The following KSR2 variants were observed in gnomAD, a reference collection of about 807,000 sequenced individuals.
The protein encoded by KSR2 is kinase suppressor of ras 2.
A neutral mutation model predicts 107.8 loss-of-function variants in KSR2; 25 were observed. That is an observed-to-expected ratio of 0.23 (90% CI 0.17 to 0.32). KSR2 has a LOEUF of 0.32. KSR2 is among the 10% of genes least tolerant of loss of function. The probability of loss-of-function intolerance (pLI) is 1.00; values close to 1 mark genes in which losing one functional copy is unlikely to be tolerated. For missense variants in KSR2, 887 were observed against 1,268.9 expected, an observed-to-expected ratio of 0.70 and a Z score of 4.57; for synonymous variants, 480 against 507.0, an observed-to-expected ratio of 0.95 and a Z score of 0.71.
chr12:117,799,849 T>C (rs1184851703), intron 3 of KSR2, among the ~76,000 whole-genome samples: 1 of 152,182 alleles, frequency 6.6e-6, no homozygotes, highest in Non-Finnish European at 1.5e-5. Context: ...CTGGGGCACC[T>C]AAAAGGCACC....
chr12:117,908,963 T>C (rs967541914), intron 1 of KSR2, among the ~76,000 whole-genome samples: 1 of 152,100 alleles, frequency 6.6e-6, no homozygotes, highest in African/African-American at 2.4e-5. Context: ...TCCAATCCAA[T>C]TTTGCAGGTG....
At chr12:117,793,488 A>AACATGC (rs1478980727) in intron 3 of KSR2, among the ~76,000 whole-genome samples, 1 of 142,786 alleles carries the variant, frequency 7.0e-6, no homozygotes, top group Admixed American at 7.0e-5. Flanking sequence ...CACTCACATC[A>AACATGC]ACATGCACAC....
rs2137101162 is a variant in KSR2 at position 117,464,285 on chromosome 12, C to T, written c.*2914G>A. The T allele has an allele frequency of 6.6e-6, 1 of 152,306 alleles. No homozygotes were observed. Among genetic ancestry groups the T allele is most frequent in the South Asian group, 2.1e-4 (1 of 4,824 alleles). The allele number at this position is 152,306 out of a possible 1,614,324, so 9.4% of individuals were successfully genotyped here. On this transcript the variant is annotated 3_prime_UTR_variant, in exon 20 of 20. Transcript: ENST00000339824. ...CCTGTGGACTGGTCCCCTCGGGAAG[C>T]CCATGTATATGACGGTTTGCTAAAA...
intron 3 of KSR2, among the ~76,000 whole-genome samples, chr12:117,782,005 A>G (rs1233270494): frequency 5.3e-5 from 8 of 152,238 alleles, no homozygotes; most frequent in African/African-American, 1.9e-4. Flanking sequence ...CATGCTTAAC[A>G]TCGTTCCACC....
chr12:117,719,112 C>T (rs1887109700), intron 4 of KSR2, among the ~76,000 whole-genome samples: 1 of 152,128 alleles, frequency 6.6e-6, no homozygotes, highest in African/African-American at 2.4e-5. Context: ...CTCATACAAA[C>T]CTTAAACGTA....
At chr12:117,639,084 C>T (rs772136373) in intron 5 of KSR2, among the ~76,000 whole-genome samples, 7 of 152,064 alleles carry the variant, frequency 4.6e-5, no homozygotes, top group Non-Finnish European at 8.8e-5. Flanking sequence ...AGCTGGTTCA[C>T]GTACATTGCC....
At position 117,658,459 on chromosome 12, in the gene KSR2, C is replaced by A. The variant is rs1295602323; in HGVS notation, c.1171+9015G>T. 2.6e-5 allele frequency among the ~76,000 whole-genome samples: 4 copies of A among 152,174 alleles called. No homozygotes were observed. The East Asian group carries it at 5.8e-4, about 22-fold the overall frequency. ...TGGCCCTCCGCCTGCTATTGTAAGT[C>A]AAGTTCTACTGAAACACAGCCACAT... On this transcript the variant is annotated intron_variant, in intron 5 of 19. Transcript: ENST00000339824.
At chr12:117,951,190 G>A (rs112897843) in intron 1 of KSR2, among the ~76,000 whole-genome samples, 2,854 of 152,202 alleles carry the variant, frequency 0.019, 80 homozygotes, top group African/African-American at 0.065. Flanking sequence ...TTACAGGTGT[G>A]AGCCACCGCG....
rs560335566 is a variant in KSR2 at position 117,523,408 on chromosome 12, TC to T, written c.2219+1443del. ...CTAAGAATGCCATTGCAGAGGCCAGTCCTTATGTTACAGGGGAGTCAGCGCC... is the reference window on the plus strand; with the variant it reads ...CTAAGAATGCCATTGCAGAGGCCAGTCTTATGTTACAGGGGAGTCAGCGCC... On this transcript the variant is annotated intron_variant, in intron 14 of 19. Transcript: ENST00000339824. Among the ~76,000 whole-genome samples the T allele has an allele frequency of 2.0e-5, 3 of 152,234 alleles. No homozygotes were observed. In the South Asian group the frequency reaches 6.2e-4, roughly 32 times the overall value.
chr12:117,517,428 T>C (rs181080835), intron 14 of KSR2, among the ~76,000 whole-genome samples: 13 of 152,370 alleles, frequency 8.5e-5, no homozygotes, highest in African/African-American at 2.4e-4. Context: ...GTCATTCACT[T>C]GTGTAATAAG....
At chr12:117,932,341 G>A (rs189623437) in intron 1 of KSR2, among the ~76,000 whole-genome samples, 25 of 152,182 alleles carry the variant, frequency 1.6e-4, no homozygotes, top group African/African-American at 3.4e-4. Context: ...TAATCATGGT[G>A]TTATACAGTT....
chr12:117,824,428 T>C (rs890453513), intron 3 of KSR2, among the ~76,000 whole-genome samples: 2 of 152,168 alleles, frequency 1.3e-5, no homozygotes, highest in African/African-American at 4.8e-5. Flanking sequence ...GTTTCTAGCA[T>C]AAAGAAAAGA....
intron 3 of KSR2, among the ~76,000 whole-genome samples, chr12:117,763,527 G>A (rs1889122019): frequency 1.3e-5 from 2 of 152,150 alleles, no homozygotes; most frequent in Non-Finnish European, 2.9e-5. Flanking sequence ...AACCATCTAA[G>A]TTAGGGCAGT....
At position 117,842,048 on chromosome 12, in the gene KSR2, TC is replaced by T. The variant is rs2137165446; in HGVS notation, c.472+13379del. On this transcript the variant is annotated intron_variant, in intron 3 of 19. Transcript: ENST00000339824. This position sits in a 1 kb window ranked among gnomAD's most constrained non-coding sequence, Gnocchi z 4.2. ...CAACACAGGGGTTCTCAAAGCGTGT[TC>T]CCCAAACCAGCAGCACCAGCGTCGC... Among the ~76,000 whole-genome samples the T allele has an allele frequency of 6.6e-6, 1 of 152,336 alleles. No individual in the cohort carries two copies. Among genetic ancestry groups the T allele is most frequent in the East Asian group, 1.9e-4 (1 of 5,188 alleles).
rs1208726307 is a variant in KSR2, at chr12:117,962,061, C to T, written c.180+6015G>A. Among the ~76,000 whole-genome samples, 6 of 150,010 alleles carry T rather than the reference C, an allele frequency of 4.0e-5. No homozygotes were observed. The East Asian group carries it at 1.2e-3, about 31-fold the overall frequency. ...CCAGGAGGCTGAGACAGGAGGATCG[C>T]TTGAGCCCAGAAGTTCAAGGCTGCA... On this transcript the variant is annotated intron_variant, in intron 1 of 19. Coordinates refer to ENST00000339824, the MANE Select transcript of KSR2 (RefSeq NM_173598.6).
intron 3 of KSR2, among the ~76,000 whole-genome samples, chr12:117,799,004 A>G (rs4767626): frequency 0.63 from 95,260 of 152,012 alleles, 32,003 homozygotes; most frequent in African/African-American, 0.87. Flanking sequence ...CGCAGTGTAG[A>G]AGTCCCCTTA....
chr12:117,968,409 G>C lies in KSR2; in HGVS notation c.-154C>G, dbSNP rs761871400. 14 of 1,342,678 alleles carry C rather than the reference G, an allele frequency of 1.0e-5. No homozygotes were observed. Among genetic ancestry groups the C allele is most frequent in the Non-Finnish European group, 1.2e-5 (13 of 1,055,098 alleles). The allele number at this position is 1,342,678 out of a possible 1,614,324, so 83.2% of individuals were successfully genotyped here. On this transcript the variant is annotated 5_prime_UTR_variant, in exon 1 of 20. Coordinates refer to ENST00000339824, the MANE Select transcript of KSR2 (RefSeq NM_173598.6). ...ATCCAACATCTCACACAGGGTTGAGGGGGTGGGAGTGGGAGGAGGGGACAA... is the reference window on the plus strand; with the variant it reads ...ATCCAACATCTCACACAGGGTTGAGCGGGTGGGAGTGGGAGGAGGGGACAA...
At chr12:117,496,052 C>CA (rs33974181) in intron 14 of KSR2, among the ~76,000 whole-genome samples, 2,154 of 113,130 alleles carry the variant, frequency 0.019, 35 homozygotes, top group African/African-American at 0.035. Flanking sequence ...GACTCCGTCT[C>CA]AAAAAAAAAA....
intron 3 of KSR2, among the ~76,000 whole-genome samples, chr12:117,768,617 G>A (rs902765399): frequency 2.4e-4 from 36 of 152,188 alleles, no homozygotes; most frequent in African/African-American, 7.5e-4. Flanking sequence ...GCAGCAGCAG[G>A]AGCCCAGCCT....
Sources: allele counts gnomAD v4.1 joint callset (sites outside exome capture counted in the v4.1 genomes callset), GRCh38; gene constraint gnomAD v4.1.1; non-coding constraint Gnocchi (gnomAD v3.1); transcripts MANE v1.5; gene names NCBI Gene and HGNC (gene_info 2026-07-23, HGNC 2026-07-21).